CNTN4: variants seen among roughly 807,000 people sequenced by gnomAD.
CNTN4 encodes contactin 4.
Under a neutral mutation model 122.5 loss-of-function variants are expected in CNTN4, and 77 were observed. The ratio of observed to expected loss-of-function variants is 0.63; its 90% CI spans 0.52 to 0.76. CNTN4 has a LOEUF of 0.76. Among genes scored for constraint, CNTN4 ranks in the 30% least tolerant of loss-of-function variants. CNTN4 has a pLI of 0.00. For missense variants in CNTN4, 1,256 were observed against 1,259.1 expected (o/e 1.00, Z 0.04); for synonymous variants, 512 against 447.0 (o/e 1.15, Z -1.83).
intron 2 of CNTN4, among the ~76,000 whole-genome samples, chr3:2,155,932 T>A (rs1441660010): frequency 2.0e-5 from 3 of 152,214 alleles, no homozygotes; most frequent in Non-Finnish European, 4.4e-5. Flanking sequence ...ATAGCACCTT[T>A]GCTTTTCCAT....
intron 4 of CNTN4, among the ~76,000 whole-genome samples, chr3:2,670,808 G>A (rs539578068): frequency 6.6e-6 from 1 of 152,246 alleles, no homozygotes; most frequent in Non-Finnish European, 1.5e-5. Flanking sequence ...AAATCTCTCA[G>A]CATTTGCTTG....
At position 2,900,541 on chromosome 3, in the gene CNTN4, A is replaced by T. The variant is rs1316138141; in HGVS notation, c.941-144A>T. 4.5e-6 allele frequency: 4 copies of T among 893,856 alleles called. No homozygotes were observed. In the East Asian group the frequency reaches 1.0e-4, roughly 23 times the overall value. 55.4% of individuals were successfully genotyped at this position (893,856 alleles called of 1,614,324 possible). A position where few individuals can be genotyped will look rare whatever the true frequency, so the allele number is the denominator to read the frequency against. On this transcript the variant is annotated intron_variant, in intron 10 of 24. Coordinates refer to ENST00000418658, the MANE Select transcript of CNTN4 (RefSeq NM_175607.3). ...GAGTAGGGTATAGGCACCTCCCTGA[A>T]TGTCTCCCCAGTCTTGTTATTTGCA...
At chr3:3,054,600 T>C (rs546786165) in intron 24 of CNTN4, among the ~76,000 whole-genome samples, 1 of 152,270 alleles carries the variant, frequency 6.6e-6, no homozygotes, top group East Asian at 1.9e-4. Context: ...ATGATTTTTT[T>C]GTTGTTGTGT....
chr3:2,659,404 G>A lies in CNTN4; in HGVS notation c.56-76811G>A, dbSNP rs140247497. Among the ~76,000 whole-genome samples, 93 of 149,408 alleles carry A rather than the reference G, an allele frequency of 6.2e-4. 1 individual carries two copies. In the East Asian group the frequency reaches 8.4e-3, roughly 13 times the overall value. On this transcript the variant is annotated intron_variant, in intron 4 of 24. Transcript: ENST00000418658. ...TTGAACCCAGGAGGTGGAGGTTGCG[G>A]TGAGCCGAGATCACATCACTGCACT...
At chr3:2,881,580 G>A (rs1426237474) in intron 8 of CNTN4, among the ~76,000 whole-genome samples, 1 of 149,318 alleles carries the variant, frequency 6.7e-6, no homozygotes, top group African/African-American at 2.5e-5. Flanking sequence ...TTCTCTTTGT[G>A]ATTGCACCTG....
chr3:3,006,271 T>C (rs1269262790), intron 14 of CNTN4, among the ~76,000 whole-genome samples: 3 of 152,182 alleles, frequency 2.0e-5, no homozygotes, highest in Non-Finnish European at 4.4e-5. Flanking sequence ...GAACATAAAC[T>C]TCACGATCAG....
chr3:2,778,609 G>C (rs552918556), intron 6 of CNTN4, among the ~76,000 whole-genome samples: 1 of 152,066 alleles, frequency 6.6e-6, no homozygotes, highest in East Asian at 1.9e-4. Flanking sequence ...GTTTCAGACA[G>C]GAAATGGAAC....
At chr3:2,496,847 T>C (rs1451945051) in intron 3 of CNTN4, among the ~76,000 whole-genome samples, 1 of 152,162 alleles carries the variant, frequency 6.6e-6, no homozygotes, top group Non-Finnish European at 1.5e-5. Context: ...GGGAATTGGC[T>C]CTCACAATTA....
intron 4 of CNTN4, among the ~76,000 whole-genome samples, chr3:2,728,562 A>G (rs1253475729): frequency 6.6e-6 from 1 of 152,212 alleles, no homozygotes; most frequent in Non-Finnish European, 1.5e-5. Context: ...CTGCAATCTG[A>G]TAAAGCAACA....
At chr3:2,698,537 T>A (rs1233415948) in intron 4 of CNTN4, among the ~76,000 whole-genome samples, 3 of 152,186 alleles carry the variant, frequency 2.0e-5, no homozygotes, top group Admixed American at 1.3e-4. Flanking sequence ...GTGATTAATT[T>A]TTTAAAAATT....
At chr3:2,345,226 T>C (rs571503914) in intron 3 of CNTN4, among the ~76,000 whole-genome samples, 1 of 152,286 alleles carries the variant, frequency 6.6e-6, no homozygotes, top group South Asian at 2.1e-4. Context: ...TGCCTGAAAA[T>C]GTGTGATTCA....
chr3:2,611,131 A>G (rs2081464246), intron 4 of CNTN4, among the ~76,000 whole-genome samples: 1 of 151,946 alleles, frequency 6.6e-6, no homozygotes, highest in Non-Finnish European at 1.5e-5. Flanking sequence ...GCAAAGTTAA[A>G]GGTGTGTAGG....
At chr3:2,854,655 C>A (rs1322570182) in intron 7 of CNTN4, among the ~76,000 whole-genome samples, 1 of 152,068 alleles carries the variant, frequency 6.6e-6, no homozygotes, top group Non-Finnish European at 1.5e-5. Context: ...AATTTTAGAT[C>A]ACAAGTTTAA....
chr3:2,890,892 CT>C (rs1450066057), intron 10 of CNTN4, among the ~76,000 whole-genome samples: 3 of 152,192 alleles, frequency 2.0e-5, no homozygotes, highest in African/African-American at 7.2e-5. Context: ...GCATTAAAAA[CT>C]TCCTAAAAAT....
intron 13 of CNTN4, among the ~76,000 whole-genome samples, chr3:2,945,710 A>G (rs1380812299): frequency 6.6e-6 from 1 of 152,202 alleles, no homozygotes; most frequent in Non-Finnish European, 1.5e-5. Context: ...AGTTCCTATG[A>G]CTTTTTATGC....
At chr3:2,295,671 CTTTAG>C (rs1204512164) in intron 2 of CNTN4, among the ~76,000 whole-genome samples, 3 of 152,006 alleles carry the variant, frequency 2.0e-5, no homozygotes, top group Non-Finnish European at 4.4e-5. Flanking sequence ...GTGCAGAGGT[CTTTAG>C]TTTAATTAGA....
intron 4 of CNTN4, among the ~76,000 whole-genome samples, chr3:2,677,970 G>C (rs2084962744): frequency 6.6e-6 from 1 of 152,056 alleles, no homozygotes; most frequent in African/African-American, 2.4e-5. Flanking sequence ...AATCCCTTTA[G>C]TGTATAATAA....
intron 6 of CNTN4, among the ~76,000 whole-genome samples, chr3:2,805,383 C>A (rs1341049543): frequency 6.6e-6 from 1 of 152,070 alleles, no homozygotes; most frequent in Non-Finnish European, 1.5e-5. Flanking sequence ...AAGACAAACC[C>A]AAAGAAATCA....
intron 8 of CNTN4, among the ~76,000 whole-genome samples, chr3:2,880,896 G>T (rs193250045): frequency 2.6e-5 from 4 of 152,104 alleles, no homozygotes; most frequent in Admixed American, 2.6e-4. Flanking sequence ...AGGGATAAGC[G>T]TCCCTTCAAG....
Sources: gnomAD v4.1 joint callset for allele counts (sites outside exome capture counted in the v4.1 genomes callset) on GRCh38, gnomAD v4.1.1 for gene constraint, MANE v1.5 for transcripts, NCBI Gene and HGNC (gene_info 2026-07-23, HGNC 2026-07-21) for gene names.